Variants in PYROXD1 observed in about 807,000 individuals in gnomAD.
PYROXD1 encodes the protein pyridine nucleotide-disulphide oxidoreductase domain 1.
PYROXD1 carries 42 observed loss-of-function variants against 62.0 expected under a neutral mutation model. The ratio of observed to expected loss-of-function variants is 0.68; its 90% CI spans 0.53 to 0.88. The LOEUF is 0.88. Among genes scored for constraint, PYROXD1 ranks in the 40% least tolerant of loss-of-function variants. PYROXD1 has a pLI of 0.00. For missense variants in PYROXD1, 493 were observed against 604.8 expected (o/e 0.82, Z 1.94); for synonymous variants, 170 against 206.4 (o/e 0.82, Z 1.51).
intron 8 of PYROXD1, 58 bp from the exon 9 acceptor site, chr12:21,461,950 T>G (rs1942704722): frequency 1.0e-6 from 1 of 990,086 alleles, no homozygotes; most frequent in Admixed American, 1.8e-5. Flanking sequence ...CATACACTGC[T>G]GTGGTGATGG....
rs1942950345 is a variant in PYROXD1, at chr12:21,471,195, A to C, written c.*2441A>C. The C allele has an allele frequency of 8.2e-7, 1 of 1,214,152 alleles. No individual in the cohort carries two copies. The highest frequency in any genetic ancestry group is 1.1e-6 in the Non-Finnish European group (1 of 882,952). The allele number at this position is 1,214,152 out of a possible 1,614,324, so 75.2% of individuals were successfully genotyped here. A position where few individuals can be genotyped will look rare whatever the true frequency, so the allele number is the denominator to read the frequency against. On this transcript the variant is annotated 3_prime_UTR_variant, in exon 12 of 12. Coordinates refer to ENST00000240651, the MANE Select transcript of PYROXD1 (RefSeq NM_024854.5). The stretch of plus-strand genomic sequence containing the variant: ...AACTATATGCGCAGTAATTCTTAAC[A>C]CATTGACTTGAAATAATAAAATTTA...
At chr12:21,439,032 G>A (rs573061017) in intron 1 of PYROXD1, among the ~76,000 whole-genome samples, 55 of 152,028 alleles carry the variant, frequency 3.6e-4, no homozygotes, top group Non-Finnish European at 7.2e-4. Context: ...AATCAAAGAA[G>A]GTATTTTTAA....
intron 4 of PYROXD1, 86 bp downstream of exon 4, chr12:21,449,777 C>A: frequency 8.3e-7 from 1 of 1,201,918 alleles, no homozygotes; most frequent in Non-Finnish European, 1.2e-6. Context: ...AATTCCTAAA[C>A]TGTAAGGGCA....
At chr12:21,438,664 G>A (rs1487355202) in intron 1 of PYROXD1, 1 of 152,178 alleles carries the variant, frequency 6.6e-6, no homozygotes, top group African/African-American at 2.4e-5. Context: ...TGAATAGCCA[G>A]ACCATATATA....
At chr12:21,446,714 C>T (rs7308870) in intron 3 of PYROXD1, among the ~76,000 whole-genome samples, 5,081 of 152,114 alleles carry the variant, frequency 0.033, 312 homozygotes, top group African/African-American at 0.11. Context: ...AAGTTCGACT[C>T]TAGCCTGGGC....
At position 21,467,626 on chromosome 12, in the gene PYROXD1, A is replaced by C. The variant is rs1565556810; in HGVS notation, c.1254+8A>C. On this transcript the variant is annotated splice_region_variant and intron_variant, in intron 11 of 11. Coordinates refer to ENST00000240651, the MANE Select transcript of PYROXD1 (RefSeq NM_024854.5). ...AAATTTTTTAACTATAAGGTAAGATAGTTAAGCATATTAATGCCTTCTCTG... is the reference window on the plus strand; with the variant it reads ...AAATTTTTTAACTATAAGGTAAGATCGTTAAGCATATTAATGCCTTCTCTG... 1 of 1,602,228 alleles carries C rather than the reference A, an allele frequency of 6.2e-7. No homozygotes were observed. The highest frequency in any genetic ancestry group is 1.7e-5 in the Admixed American group (1 of 59,076).
chr12:21,470,188 T>A lies in PYROXD1; in HGVS notation c.*1434T>A. ...TCTTTAATTAGAAAATTTAGTAACA[T>A]TCATATCAGGCATCATCGATTTTTC... On this transcript the variant is annotated 3_prime_UTR_variant, in exon 12 of 12. Coordinates refer to ENST00000240651, the MANE Select transcript of PYROXD1 (RefSeq NM_024854.5). The A allele has an allele frequency of 6.2e-7, 1 of 1,610,548 alleles. No individual in the cohort carries two copies. The highest frequency in any genetic ancestry group is 1.7e-5 in the Admixed American group (1 of 59,614).
intron 3 of PYROXD1, 123 bp downstream of exon 3, chr12:21,445,589 G>A (rs1479627325): frequency 5.3e-6 from 5 of 948,878 alleles, no homozygotes; most frequent in Admixed American, 7.0e-5. Context: ...AAAGTTTAGT[G>A]ACATTGATTT....
At chr12:21,447,946 GCACT>G in intron 3 of PYROXD1, 1 of 253,788 alleles carries the variant, frequency 3.9e-6, no homozygotes, top group Non-Finnish European at 7.6e-6. Flanking sequence ...TCACGCCGCT[GCACT>G]CCAGCCTGGG....
At chr12:21,463,907 T>C (rs10841821) in intron 10 of PYROXD1, among the ~76,000 whole-genome samples, 54,991 of 151,976 alleles carry the variant, frequency 0.36, 11,391 homozygotes, top group South Asian at 0.53. Context: ...GCAACATTTA[T>C]CTTTGTTAAA....
At chr12:21,453,751 C>T (rs1488388756) in intron 5 of PYROXD1, among the ~76,000 whole-genome samples, 1 of 151,960 alleles carries the variant, frequency 6.6e-6, no homozygotes, top group Non-Finnish European at 1.5e-5. Context: ...CTTGTGGTTA[C>T]TTGTAATAAC....
intron 1 of PYROXD1, 145 bp downstream of exon 1, chr12:21,437,959 T>G (rs1359378058): frequency 1.4e-6 from 1 of 724,806 alleles, no homozygotes; most frequent in African/African-American, 1.8e-5. Flanking sequence ...TCCCAGATTT[T>G]AGAAACTGCT....
Position 21,449,761 on chromosome 12 carries a change from A to G in PYROXD1, c.414+70A>G. 3 of 1,384,300 alleles carry G rather than the reference A, an allele frequency of 2.2e-6. No individual in the cohort carries two copies. The South Asian group carries it at 4.1e-5, about 19-fold the overall frequency. 85.8% of individuals were successfully genotyped at this position (1,384,300 alleles called of 1,614,324 possible). ...TTCTACATTTGAATTAAAGTGTTCC[A>G]CTTACAATTCCTAAACTGTAAGGGC... On this transcript the variant is annotated intron_variant, in intron 4 of 11. Coordinates refer to ENST00000240651, the MANE Select transcript of PYROXD1 (RefSeq NM_024854.5).
rs1403058078 is a variant in PYROXD1, at chr12:21,456,108, A to T, written c.750+13A>T. Reference sequence around the variant, plus strand: ...AGGAACAAAAGAGGTATCTTTTCATATACTAATTGGTCATGTCTAAATGTA... The same window carrying T: ...AGGAACAAAAGAGGTATCTTTTCATTTACTAATTGGTCATGTCTAAATGTA... On this transcript the variant is annotated intron_variant, in intron 7 of 11. Coordinates refer to ENST00000240651, the MANE Select transcript of PYROXD1 (RefSeq NM_024854.5). 6 of 1,453,334 alleles carry T rather than the reference A, an allele frequency of 4.1e-6. No individual in the cohort carries two copies. The East Asian group carries it at 9.1e-5, about 22-fold the overall frequency. The allele number at this position is 1,453,334 out of a possible 1,614,324, so 90.0% of individuals were successfully genotyped here.
Position 21,468,663 on chromosome 12 carries a change from T to G in PYROXD1, c.1412T>G (p.Phe471Cys). The change falls in exon 12 of 12, where the codon TTT becomes TGT. Residue 471 changes from phenylalanine to cysteine, a missense_variant. Transcript: ENST00000240651. ...GGTGAAACCGATTTAGAAGAAACATTTGAAAACCTAATCTTAAACCAAATG... is the reference window on the plus strand; with the variant it reads ...GGTGAAACCGATTTAGAAGAAACATGTGAAAACCTAATCTTAAACCAAATG... ...LIGETDLEETFENLILNQMNL... is the reference protein window; with the variant it reads ...LIGETDLEETCENLILNQMNL... 6.2e-7 allele frequency: 1 copy of G among 1,612,626 alleles called. No homozygotes were observed. The highest frequency in any genetic ancestry group is 8.5e-7 in the Non-Finnish European group (1 of 1,179,188).
At chr12:21,443,868 A>C (rs1426201186) in intron 2 of PYROXD1, among the ~76,000 whole-genome samples, 1 of 152,194 alleles carries the variant, frequency 6.6e-6, no homozygotes, top group African/African-American at 2.4e-5. Context: ...CTTAGTACTT[A>C]GGTATAGCCA....
chr12:21,444,678 A>C (rs555213952), intron 2 of PYROXD1, among the ~76,000 whole-genome samples: 29 of 113,054 alleles, frequency 2.6e-4, no homozygotes, highest in African/African-American at 9.6e-4. Context: ...CATGAGACCA[A>C]AAGGTTTGAG....
rs1942875683 is a variant in PYROXD1, at chr12:21,469,491, C to G, written c.*737C>G. On this transcript the variant is annotated 3_prime_UTR_variant, in exon 12 of 12. Coordinates refer to ENST00000240651, the MANE Select transcript of PYROXD1 (RefSeq NM_024854.5). ...AGCCAAAAGATTGGACATCCCTGAT[C>G]TACATATTTAACTTAAAGTATCACT... 1 of 149,282 alleles carries G rather than the reference C, an allele frequency of 6.7e-6. No individual in the cohort carries two copies. The highest frequency in any genetic ancestry group is 2.5e-5 in the African/African-American group (1 of 40,314). The allele number at this position is 149,282 out of a possible 1,614,324, so 9.2% of individuals were successfully genotyped here.
intron 4 of PYROXD1, 139 bp from the exon 5 acceptor site, chr12:21,451,942 A>C: frequency 1.6e-6 from 1 of 607,682 alleles, no homozygotes; most frequent in Non-Finnish European, 2.9e-6. Flanking sequence ...ACCCTGATAC[A>C]GTGGGAAAGT....
Sources: gnomAD v4.1 joint callset for allele counts (sites outside exome capture counted in the v4.1 genomes callset) on GRCh38, gnomAD v4.1.1 for gene constraint, MANE v1.5 for transcripts, NCBI Gene and HGNC (gene_info 2026-07-23, HGNC 2026-07-21) for gene names.